The following CBLB variants were observed in gnomAD, a reference collection of about 807,000 sequenced individuals.
The protein encoded by CBLB is E3 ubiquitin-protein ligase CBL-B.
Under a neutral mutation model 104.9 loss-of-function variants are expected in CBLB, and 31 were observed. That is an observed-to-expected ratio of 0.30 (90% CI 0.22 to 0.40). CBLB has a LOEUF of 0.40. CBLB is among the 10% of genes least tolerant of loss of function. The probability of loss-of-function intolerance (pLI) is 1.00; values close to 1 mark genes in which losing one functional copy is unlikely to be tolerated. For synonymous variants in CBLB, 440 were observed against 422.6 expected (o/e 1.04, Z -0.51); for missense variants, 1,062 against 1,214.6 (o/e 0.87, Z 1.87).
intron 13 of CBLB, among the ~76,000 whole-genome samples, chr3:105,687,333 G>T (rs1450243332): frequency 6.6e-6 from 1 of 152,030 alleles, no homozygotes; most frequent in Non-Finnish European, 1.5e-5. Flanking sequence ...GTCAACAATG[G>T]ACCATTTTTT....
rs558791996 is a variant in CBLB at position 105,821,614 on chromosome 3, C to T, written c.419+31800G>A. Among the ~76,000 whole-genome samples, 9 of 152,300 alleles carry T rather than the reference C, an allele frequency of 5.9e-5. 1 individual carries two copies. Among genetic ancestry groups the T allele is most frequent in the Middle Eastern group, 3.4e-3 (1 of 292 alleles). On this transcript the variant is annotated intron_variant, in intron 3 of 18. Transcript: ENST00000394030. ...TTCAGAAGTGCCAGTGCCAAATGCGCATTTGGACTTTCCTCTTTGAACACA... is the reference window on the plus strand; with the variant it reads ...TTCAGAAGTGCCAGTGCCAAATGCGTATTTGGACTTTCCTCTTTGAACACA...
At chr3:105,697,600 G>C (rs2152767182) in intron 12 of CBLB, among the ~76,000 whole-genome samples, 1 of 152,052 alleles carries the variant, frequency 6.6e-6, no homozygotes, top group East Asian at 1.9e-4. Flanking sequence ...CTGAAAGACA[G>C]CCCTTGAAAT....
intron 3 of CBLB, among the ~76,000 whole-genome samples, chr3:105,818,610 T>G: frequency 6.6e-6 from 1 of 152,186 alleles, no homozygotes; most frequent in East Asian, 1.9e-4. Context: ...ATTTTTACTT[T>G]TTATAGTAAG....
chr3:105,789,569 T>G (rs1325936568), intron 3 of CBLB, among the ~76,000 whole-genome samples: 1 of 152,176 alleles, frequency 6.6e-6, no homozygotes, highest in African/African-American at 2.4e-5. Context: ...ACCATTAAGC[T>G]AATCCACTGA....
At chr3:105,733,924 T>C in intron 9 of CBLB, 85 bp downstream of exon 9, 1 of 1,270,854 alleles carries the variant, frequency 7.9e-7, no homozygotes, top group Admixed American at 1.7e-5. Context: ...CTTACCAGCA[T>C]TACTTCCTAA....
intron 3 of CBLB, among the ~76,000 whole-genome samples, chr3:105,841,160 G>A (rs2089479956): frequency 6.6e-6 from 1 of 151,826 alleles, no homozygotes; most frequent in Non-Finnish European, 1.5e-5. Flanking sequence ...GCTCTGCATG[G>A]TGACGTGCAT....
chr3:105,717,977 C>T (rs550032286), intron 10 of CBLB, among the ~76,000 whole-genome samples: 24 of 152,150 alleles, frequency 1.6e-4, no homozygotes, highest in East Asian at 3.9e-4. Context: ...TTCTGTTTTA[C>T]GAAGGGGTAA....
intron 4 of CBLB, among the ~76,000 whole-genome samples, chr3:105,757,405 T>C (rs911258901): frequency 1.3e-5 from 2 of 152,182 alleles, no homozygotes; most frequent in Non-Finnish European, 2.9e-5. Context: ...GTATGATTTA[T>C]GATGGCATGT....
chr3:105,763,303 G>A (rs1371499352), intron 4 of CBLB, among the ~76,000 whole-genome samples: 5 of 152,224 alleles, frequency 3.3e-5, no homozygotes, highest in Non-Finnish European at 5.9e-5. Context: ...GCGAAGGCAT[G>A]ATTGTGTCTT....
intron 6 of CBLB, among the ~76,000 whole-genome samples, chr3:105,743,752 AAC>A (rs565330789): frequency 3.5e-4 from 53 of 151,710 alleles, no homozygotes; most frequent in Admixed American, 1.2e-3. Context: ...AAAAATGTTA[AAC>A]ACAGATATTC....
chr3:105,755,232 T>C (rs1401017320), intron 4 of CBLB, among the ~76,000 whole-genome samples: 3 of 151,744 alleles, frequency 2.0e-5, no homozygotes, highest in East Asian at 3.9e-4. Context: ...CCTGTGTCCA[T>C]GTGATCTCAT....
At chr3:105,834,480 C>A (rs1421156547) in intron 3 of CBLB, among the ~76,000 whole-genome samples, 4 of 152,058 alleles carry the variant, frequency 2.6e-5, no homozygotes, top group African/African-American at 9.7e-5. Context: ...CACGGTGAAA[C>A]CCCGTCTCTA....
chr3:105,674,500 CA>C (rs2065393822), intron 17 of CBLB, among the ~76,000 whole-genome samples: 1 of 152,094 alleles, frequency 6.6e-6, no homozygotes, highest in African/African-American at 2.4e-5. Flanking sequence ...AGAGAAACAG[CA>C]AAATAAAGGT....
chr3:105,855,643 CA>C (rs1273014798), intron 2 of CBLB, among the ~76,000 whole-genome samples: 2 of 152,094 alleles, frequency 1.3e-5, no homozygotes, highest in Admixed American at 6.5e-5. Flanking sequence ...TCAAATCTGG[CA>C]ATTTGAATGT....
intron 3 of CBLB, among the ~76,000 whole-genome samples, chr3:105,779,784 T>A (rs927966825): frequency 6.6e-5 from 10 of 152,214 alleles, no homozygotes; most frequent in African/African-American, 2.4e-4. Context: ...ACGCTGTGAC[T>A]TTTTTGTTTA....
chr3:105,667,057 C>T (rs1025147893), intron 18 of CBLB, among the ~76,000 whole-genome samples: 6 of 152,106 alleles, frequency 3.9e-5, no homozygotes, highest in African/African-American at 1.4e-4. Context: ...TTCAACATTC[C>T]AACAATTCTC....
intron 9 of CBLB, among the ~76,000 whole-genome samples, chr3:105,733,789 AACT>A (rs1377269893): frequency 6.6e-6 from 1 of 152,228 alleles, no homozygotes; most frequent in Non-Finnish European, 1.5e-5. Context: ...ACAGAAGTAG[AACT>A]ACTGATGACT....
intron 13 of CBLB, among the ~76,000 whole-genome samples, chr3:105,687,309 G>A (rs2067131989): frequency 6.6e-6 from 1 of 152,116 alleles, no homozygotes; most frequent in African/African-American, 2.4e-5. Context: ...TTCCAAAGAA[G>A]CAGTTCATTA....
chr3:105,722,214 A>AAG (rs2072972413), intron 9 of CBLB, among the ~76,000 whole-genome samples: 3 of 150,504 alleles, frequency 2.0e-5, no homozygotes, highest in Non-Finnish European at 4.4e-5. Context: ...AAAAAAAAAA[A>AAG]AAAAGAAAAG....
Sources: gnomAD v4.1 joint callset for allele counts (sites outside exome capture counted in the v4.1 genomes callset) on GRCh38, gnomAD v4.1.1 for gene constraint, MANE v1.5 for transcripts, NCBI Gene and HGNC (gene_info 2026-07-23, HGNC 2026-07-21) for gene names.